Variants in ABLIM1 observed in about 807,000 individuals in gnomAD.
ABLIM1 encodes actin-binding LIM protein 1.
ABLIM1 carries 40 observed loss-of-function variants against 107.0 expected under a neutral mutation model. That is an observed-to-expected ratio of 0.37 (90% CI 0.29 to 0.49). The LOEUF is 0.49. Among genes scored for constraint, ABLIM1 ranks in the 20% least tolerant of loss-of-function variants. The pLI is 0.97. For missense variants in ABLIM1, 857 were observed against 1,008.5 expected, an observed-to-expected ratio of 0.85 and a Z score of 2.04; for synonymous variants, 357 against 357.3, an observed-to-expected ratio of 1.00 and a Z score of 0.01.
At chr10:114,569,330 T>C (rs1452791361) in intron 4 of ABLIM1, among the ~76,000 whole-genome samples, 1 of 152,008 alleles carries the variant, frequency 6.6e-6, no homozygotes, top group Non-Finnish European at 1.5e-5. Flanking sequence ...CTTTTTTTTT[T>C]TTCTTTGAGA....
At chr10:114,765,055 T>A (rs907340838) in intron 1 of ABLIM1, 10 of 151,308 alleles carry the variant, frequency 6.6e-5, no homozygotes, top group African/African-American at 2.5e-4. Flanking sequence ...TTTCTACTTT[T>A]TTCTTTTCTT....
chr10:114,681,940 T>C (rs965563214), intron 1 of ABLIM1, among the ~76,000 whole-genome samples: 4 of 152,340 alleles, frequency 2.6e-5, no homozygotes, highest in African/African-American at 9.6e-5. Context: ...GTGACTGCCT[T>C]TGGAAGCAGG....
In ABLIM1 at chr10:114,432,786, AC is replaced by A. The variant is rs1446938175; in HGVS notation, c.*3473del. 1.3e-5 allele frequency: 2 copies of A among 151,662 alleles called. No homozygotes were observed. Among genetic ancestry groups the A allele is most frequent in the African/African-American group, 2.4e-5 (1 of 41,280 alleles). 9.4% of individuals were successfully genotyped at this position (151,662 alleles called of 1,614,324 possible). A position where few individuals can be genotyped will look rare whatever the true frequency, so the allele number is the denominator to read the frequency against. Reference sequence around the variant, plus strand: ...TAGAGCCCATGACAGATAGAAAACTACCCCCATTTAAAAAAAAACAACAACT... The same window carrying A: ...TAGAGCCCATGACAGATAGAAAACTACCCCATTTAAAAAAAAACAACAACT... On this transcript the variant is annotated 3_prime_UTR_variant, in exon 23 of 23. Coordinates refer to ENST00000533213, the MANE Select transcript of ABLIM1 (RefSeq NM_002313.7).
Position 114,435,858 on chromosome 10 carries a change from C to T in ABLIM1, c.*402G>A, listed in dbSNP as rs547499059. The T allele has an allele frequency of 6.1e-4, 98 of 159,774 alleles. 1 individual carries two copies. Among genetic ancestry groups the T allele is most frequent in the African/African-American group, 2.3e-3 (96 of 41,702 alleles). 9.9% of individuals were successfully genotyped at this position (159,774 alleles called of 1,614,324 possible). A position where few individuals can be genotyped will look rare whatever the true frequency, so the allele number is the denominator to read the frequency against. On this transcript the variant is annotated 3_prime_UTR_variant, in exon 23 of 23. Transcript: ENST00000533213. ...GCGCTACTTAATAAATATATTTATACTTTGAAATTATGATAACCGATTTTT... is the reference window on the plus strand; with the variant it reads ...GCGCTACTTAATAAATATATTTATATTTTGAAATTATGATAACCGATTTTT...
At chr10:114,698,065 C>CAA (rs529317237) in intron 1 of ABLIM1, among the ~76,000 whole-genome samples, 343 of 150,754 alleles carry the variant, frequency 2.3e-3, no homozygotes, top group African/African-American at 7.9e-3. Context: ...TAACATATAC[C>CAA]AAAAAAAAGA....
At chr10:114,447,768 C>T in intron 15 of ABLIM1, 112 bp downstream of exon 15, 1 of 1,461,806 alleles carries the variant, frequency 6.8e-7, no homozygotes, top group African/African-American at 1.4e-5. Context: ...CTTGGTCATA[C>T]TTTTCTTTAA....
intron 1 of ABLIM1, among the ~76,000 whole-genome samples, chr10:114,634,163 T>C (rs2497677): frequency 0.28 from 27,388 of 96,686 alleles, 4,551 homozygotes; most frequent in African/African-American, 0.5. Flanking sequence ...GACGGAGTCT[T>C]GCTCTGTCGC....
chr10:114,585,719 G>A, intron 2 of ABLIM1, among the ~76,000 whole-genome samples: 1 of 152,062 alleles, frequency 6.6e-6, no homozygotes, highest in Non-Finnish European at 1.5e-5. Context: ...TACCACTATG[G>A]TGATGCCAAC....
At chr10:114,680,782 T>C (rs2080713508) in intron 1 of ABLIM1, among the ~76,000 whole-genome samples, 1 of 152,264 alleles carries the variant, frequency 6.6e-6, no homozygotes, top group Admixed American at 6.5e-5. Context: ...TAATGTCTCA[T>C]GTTGGTTAGT....
At chr10:114,564,923 A>T (rs2138484274) in intron 4 of ABLIM1, among the ~76,000 whole-genome samples, 1 of 152,290 alleles carries the variant, frequency 6.6e-6, no homozygotes, top group East Asian at 1.9e-4. Context: ...TGTGCTTCCT[A>T]TGTGTCACCA....
At chr10:114,550,138 CAT>C (rs1228461076) in intron 4 of ABLIM1, among the ~76,000 whole-genome samples, 1 of 151,954 alleles carries the variant, frequency 6.6e-6, no homozygotes, top group South Asian at 2.1e-4. Flanking sequence ...ATCTAGTACA[CAT>C]ATGAGTGTGT....
At chr10:114,497,669 C>T (rs1000592520) in intron 6 of ABLIM1, among the ~76,000 whole-genome samples, 1 of 103,350 alleles carries the variant, frequency 9.7e-6, no homozygotes, top group African/African-American at 4.2e-5. Context: ...GCAACAGAGC[C>T]GGATTCTGTC....
rs546011217 is a variant in ABLIM1 at position 114,477,420 on chromosome 10, C to T, written c.1042-3464G>A. On this transcript the variant is annotated intron_variant, in intron 8 of 22. Coordinates refer to ENST00000533213, the MANE Select transcript of ABLIM1 (RefSeq NM_002313.7). Reference sequence around the variant, plus strand: ...AGGCCTGTTTTCATTAACAAGCATCCAGGACATTGTGTGAACAGCCAAAGT... The same window carrying T: ...AGGCCTGTTTTCATTAACAAGCATCTAGGACATTGTGTGAACAGCCAAAGT... Among the ~76,000 whole-genome samples the T allele has an allele frequency of 2.0e-5, 3 of 152,240 alleles. No homozygotes were observed. In the East Asian group the frequency reaches 5.8e-4, roughly 29 times the overall value.
intron 6 of ABLIM1, among the ~76,000 whole-genome samples, chr10:114,504,335 G>C (rs975816011): frequency 4.6e-5 from 7 of 152,124 alleles, no homozygotes; most frequent in African/African-American, 1.7e-4. Flanking sequence ...CAAAGTTACA[G>C]AGCTAGAGTT....
At chr10:114,643,760 G>A (rs2078854355) in intron 1 of ABLIM1, among the ~76,000 whole-genome samples, 1 of 151,692 alleles carries the variant, frequency 6.6e-6, no homozygotes, top group South Asian at 2.1e-4. Context: ...AATTTTTTTA[G>A]AGAGGGAGTC....
chr10:114,474,637 C>T (rs1248644080), intron 8 of ABLIM1, among the ~76,000 whole-genome samples: 1 of 152,290 alleles, frequency 6.6e-6, no homozygotes, highest in East Asian at 1.9e-4. Flanking sequence ...GCCTCCACCT[C>T]CCCAAGTGCT....
the ABLIM1 span, among the ~76,000 whole-genome samples, chr10:114,792,581 C>T: frequency 2.0e-5 from 3 of 152,186 alleles, no homozygotes; most frequent in African/African-American, 7.2e-5. Flanking sequence ...GGTTCCCCTA[C>T]CTCCTGCTGG....
chr10:114,708,328 G>A (rs925755750), intron 1 of ABLIM1, among the ~76,000 whole-genome samples: 2 of 152,094 alleles, frequency 1.3e-5, no homozygotes, highest in African/African-American at 2.4e-5. Context: ...AAAAACAGCC[G>A]CTGTTTCCCT....
chr10:114,587,498 T>A, intron 2 of ABLIM1, among the ~76,000 whole-genome samples: 1 of 152,318 alleles, frequency 6.6e-6, no homozygotes, highest in South Asian at 2.1e-4. Flanking sequence ...AATATGGCTA[T>A]AAATAACATA....
Sources: gnomAD v4.1 joint callset for allele counts (sites outside exome capture counted in the v4.1 genomes callset) on GRCh38, gnomAD v4.1.1 for gene constraint, MANE v1.5 for transcripts, NCBI Gene and HGNC (gene_info 2026-07-23, HGNC 2026-07-21) for gene names.